ADGRE5: variants seen among roughly 807,000 people sequenced by gnomAD.
ADGRE5 encodes adhesion G protein-coupled receptor E5, also known as CD97 molecule.
Under a neutral mutation model 100.3 loss-of-function variants are expected in ADGRE5, and 72 were observed. The ratio of observed to expected loss-of-function variants is 0.72; its 90% CI spans 0.59 to 0.87. The LOEUF (loss-of-function observed/expected upper bound fraction) is 0.87. ADGRE5 is among the 40% of genes least tolerant of loss of function. ADGRE5 has a pLI of 0.00. For missense variants in ADGRE5, 959 were observed against 1,094.7 expected, an observed-to-expected ratio of 0.88 and a Z score of 1.75; for synonymous variants, 439 against 447.8, an observed-to-expected ratio of 0.98 and a Z score of 0.25.
At chr19:14,391,190 C>A (rs574047857) in intron 4 of ADGRE5, 111 bp downstream of exon 4, 2 of 1,397,844 alleles carry the variant, frequency 1.4e-6, no homozygotes, top group East Asian at 2.3e-5. Flanking sequence ...CAGTGCCTGG[C>A]GTCTGAGATG....
rs2146381873 is a variant in ADGRE5, at chr19:14,408,212, A to G, written c.*91A>G. The G allele has an allele frequency of 7.3e-7, 1 of 1,369,246 alleles. No homozygotes were observed. Among genetic ancestry groups the G allele is most frequent in the Admixed American group, 1.9e-5 (1 of 52,964 alleles). The allele number at this position is 1,369,246 out of a possible 1,614,324, so 84.8% of individuals were successfully genotyped here. ...CCATCCTCCCTTCGTCCACCACTCT[A>G]CTCCCTCCACCCTCCCTCCCTGATC... On this transcript the variant is annotated 3_prime_UTR_variant, in exon 20 of 20. Transcript: ENST00000242786.
chr19:14,398,737 T>C (rs1429221661), intron 9 of ADGRE5, among the ~76,000 whole-genome samples: 1 of 150,472 alleles, frequency 6.6e-6, no homozygotes. Flanking sequence ...ATCCCCCCAT[T>C]GCCACTTCTT....
intron 9 of ADGRE5, chr19:14,398,457 C>T (rs560531038): frequency 1.7e-4 from 53 of 303,424 alleles, no homozygotes; most frequent in African/African-American, 1.1e-3. Flanking sequence ...ATCACGCGGT[C>T]AGGAGATCGA....
intron 4 of ADGRE5, among the ~76,000 whole-genome samples, chr19:14,395,017 A>C (rs1020728421): frequency 6.6e-6 from 1 of 152,088 alleles, no homozygotes; most frequent in African/African-American, 2.4e-5. Flanking sequence ...ATGGATTCAG[A>C]GGGCTGGGTG....
At chr19:14,386,890 C>T (rs1975377451) in intron 1 of ADGRE5, among the ~76,000 whole-genome samples, 1 of 151,656 alleles carries the variant, frequency 6.6e-6, no homozygotes, top group Admixed American at 6.6e-5. Context: ...TGGCGGGTGC[C>T]TGTAATCCCA....
chr19:14,402,686 G>A lies in ADGRE5; in HGVS notation c.1273G>A (p.Glu425Lys), dbSNP rs772157605. ...GAACCTGCATTCCAAGAAGCAAGCC[G>A]AACTGGAGGAGATATATGAAAGCAG... ...SLNLHSKKQA[E>K]LEEIYESSIR... Residue 425 changes from glutamate (E) to lysine (K), a missense_variant, in exon 12 of 20, where the codon GAA becomes AAA. Physicochemically the swap from Glu to Lys is moderately conservative, Grantham distance 56. This residue lies in a region of ADGRE5 where 246 missense variants were observed against 242.2 expected (regional missense o/e 1.02). Coordinates refer to ENST00000242786, the MANE Select transcript of ADGRE5 (RefSeq NM_078481.4). 1.4e-5 allele frequency: 23 copies of A among 1,613,996 alleles called. No individual in the cohort carries two copies. Among genetic ancestry groups the A allele is most frequent in the Middle Eastern group, 1.6e-4 (1 of 6,084 alleles).
chr19:14,406,465 G>A lies in ADGRE5; in HGVS notation c.1956G>A (p.Thr652=). The A allele has an allele frequency of 6.4e-7, 1 of 1,569,700 alleles. No individual in the cohort carries two copies. Among genetic ancestry groups the A allele is most frequent in the Non-Finnish European group, 8.6e-7 (1 of 1,157,512 alleles). The change falls in exon 15 of 20, where the codon ACG becomes ACA. Residue 652 remains threonine, a synonymous_variant. Coordinates refer to ENST00000242786, the MANE Select transcript of ADGRE5 (RefSeq NM_078481.4). This position sits in a 1 kb window ranked among gnomAD's most constrained non-coding sequence, Gnocchi z 6.0. ...TGTTCCAAGGCCAGGGCCTGAGTAC[G>A]CGCTGGCTCTGCCTGATCGGCTATG... ...VRVFQGQGLS[T]RWLCLIGYGV...
chr19:14,384,322 C>A (rs746050591), intron 1 of ADGRE5, among the ~76,000 whole-genome samples: 1 of 152,080 alleles, frequency 6.6e-6, no homozygotes, highest in African/African-American at 2.4e-5. Context: ...GTCCGGGGAC[C>A]TCCAATCTGC....
At chr19:14,394,496 G>C (rs1471171185) in intron 4 of ADGRE5, among the ~76,000 whole-genome samples, 1 of 152,008 alleles carries the variant, frequency 6.6e-6, no homozygotes, top group Non-Finnish European at 1.5e-5. Context: ...CCTGAGACTC[G>C]GGACACTCCA....
In ADGRE5 at chr19:14,404,363, C is replaced by G. The variant is rs1198698728; in HGVS notation, c.1450-20C>G. On this transcript the variant is annotated intron_variant, in intron 12 of 19. Transcript: ENST00000242786. Reference sequence around the variant, plus strand: ...GTGAGCTCCAGGCCAACCTTTCTGACCACCCCCATCTGCCCACAGGACGTG... The same window carrying G: ...GTGAGCTCCAGGCCAACCTTTCTGAGCACCCCCATCTGCCCACAGGACGTG... The G allele has an allele frequency of 1.9e-6, 3 of 1,597,276 alleles. No individual in the cohort carries two copies. Among genetic ancestry groups the G allele is most frequent in the Non-Finnish European group, 2.6e-6 (3 of 1,173,764 alleles).
At chr19:14,407,357 CA>C in intron 18 of ADGRE5, 128 bp downstream of exon 18, 1 of 1,068,280 alleles carries the variant, frequency 9.4e-7, no homozygotes, top group Non-Finnish European at 1.3e-6. Context: ...GCTGTCTTTA[CA>C]AAAAAATTCA....
rs888287567 is a variant in ADGRE5 at position 14,395,029 on chromosome 19, C to T, written c.347-1313C>T. 5.9e-5 allele frequency among the ~76,000 whole-genome samples: 9 copies of T among 152,090 alleles called. No homozygotes were observed. The East Asian group carries it at 9.6e-4, about 16-fold the overall frequency. On this transcript the variant is annotated intron_variant, in intron 4 of 19. Coordinates refer to ENST00000242786, the MANE Select transcript of ADGRE5 (RefSeq NM_078481.4). ...CAAATGGATTCAGAGGGCTGGGTGC[C>T]GTGACTCATGCCTGGAATCCCAGCA...
chr19:14,405,973 G>A, intron 14 of ADGRE5, 34 bp downstream of exon 14: 2 of 1,565,524 alleles, frequency 1.3e-6, no homozygotes, highest in Non-Finnish European at 1.7e-6. Context: ...CTGAGCTCTG[G>A]GGTCAGGGAG....
Position 14,406,386 on chromosome 19 carries a change from CCTT to C in ADGRE5, c.1880_1882del (p.Phe627del), listed in dbSNP as rs1278284805. ...CTGCTGCACTACTGTTTCCTGGCCG[CCTT>C]CTGCTGGATGAGCCTCGAAGGCCTG... is the stretch of plus-strand genomic sequence containing the variant. On this transcript the variant is annotated inframe_deletion, in exon 15 of 20. Coordinates refer to ENST00000242786, the MANE Select transcript of ADGRE5 (RefSeq NM_078481.4). This position sits in a 1 kb window ranked among gnomAD's most constrained non-coding sequence, Gnocchi z 6.0. 1 of 1,591,124 alleles carries C rather than the reference CCTT, an allele frequency of 6.3e-7. No homozygotes were observed. Among genetic ancestry groups the C allele is most frequent in the Non-Finnish European group, 8.5e-7 (1 of 1,169,820 alleles).
rs763257495 is a variant in ADGRE5 at position 14,402,732 on chromosome 19, G to A, written c.1319G>A (p.Arg440Lys). ...AGCAGCATCCGTGGTGTCCAACTCA[G>A]ACGCCTCTCTGCCGTCAACTCCATC... ...YESSIRGVQLRRLSAVNSIFL... is the reference protein window; with the variant it reads ...YESSIRGVQLKRLSAVNSIFL... The change falls in exon 12 of 20, where the codon AGA becomes AAA. Residue 440 changes from arginine to lysine, a missense_variant. Transcript: ENST00000242786. 1.9e-6 allele frequency: 3 copies of A among 1,614,066 alleles called. No individual in the cohort carries two copies. The highest frequency in any genetic ancestry group is 2.7e-5 in the African/African-American group (2 of 74,922).
chr19:14,395,261 A>G (rs1447657551), intron 4 of ADGRE5, among the ~76,000 whole-genome samples: 2 of 150,796 alleles, frequency 1.3e-5, no homozygotes, highest in African/African-American at 2.5e-5. Flanking sequence ...AGATCACATC[A>G]TTGCACTCCA....
Position 14,401,869 on chromosome 19 carries a change from G to A in ADGRE5, c.1183+109G>A, listed in dbSNP as rs948697928. Reference sequence around the variant, plus strand: ...CAACTGACTGGGCGCGGTGGCTCACGCCTGCAATCCCAGCATTTTGGGAGG... The same window carrying A: ...CAACTGACTGGGCGCGGTGGCTCACACCTGCAATCCCAGCATTTTGGGAGG... On this transcript the variant is annotated intron_variant, in intron 11 of 19. Coordinates refer to ENST00000242786, the MANE Select transcript of ADGRE5 (RefSeq NM_078481.4). The surrounding 1 kb of genome is among the most constrained non-coding windows in gnomAD (Gnocchi z 4.1). 5.9e-6 allele frequency: 4 copies of A among 674,326 alleles called. No homozygotes were observed. The highest frequency in any genetic ancestry group is 1.9e-5 in the African/African-American group (1 of 53,938). 41.8% of individuals were successfully genotyped at this position (674,326 alleles called of 1,614,324 possible).
At chr19:14,385,161 C>A (rs1165776160) in intron 1 of ADGRE5, among the ~76,000 whole-genome samples, 5 of 151,916 alleles carry the variant, frequency 3.3e-5, no homozygotes, top group Non-Finnish European at 7.4e-5. Context: ...CAGGCGTGTG[C>A]CACCATGCCC....
At chr19:14,402,514 C>T (rs1374266025) in intron 11 of ADGRE5, 83 bp from the exon 12 acceptor site, 1 of 1,452,556 alleles carries the variant, frequency 6.9e-7, no homozygotes, top group Admixed American at 1.7e-5. Flanking sequence ...ACTGGCTGAG[C>T]CTGAGCTGGG....
Sources: allele counts gnomAD v4.1 joint callset (sites outside exome capture counted in the v4.1 genomes callset), GRCh38; gene constraint gnomAD v4.1.1; regional missense constraint gnomAD v4.1.1; non-coding constraint Gnocchi (gnomAD v3.1); transcripts MANE v1.5; gene names NCBI Gene and HGNC (gene_info 2026-07-23, HGNC 2026-07-21).